Variants in SH3RF1 observed in about 807,000 individuals in gnomAD.
SH3RF1 encodes the protein E3 ubiquitin-protein ligase SH3RF1.
SH3RF1 carries 32 observed loss-of-function variants against 74.0 expected under a neutral mutation model. The observed-to-expected ratio is 0.43, with a 90% CI of 0.33 to 0.58. The LOEUF is 0.58. Ranked by LOEUF, SH3RF1 falls within the 20% of genes least tolerant of loss-of-function variation. SH3RF1 has a pLI of 0.05. For missense variants in SH3RF1, 954 were observed against 1,130.9 expected (o/e 0.84, Z 2.24); for synonymous variants, 396 against 439.6 (o/e 0.90, Z 1.24).
At position 169,268,988 on chromosome 4, in the gene SH3RF1, G is replaced by A. The variant is rs1731400575; in HGVS notation, c.225C>T (p.Gly75=). The A allele has an allele frequency of 1.2e-6, 2 of 1,614,158 alleles. No individual in the cohort carries two copies. Among genetic ancestry groups the A allele is most frequent in the Non-Finnish European group, 1.7e-6 (2 of 1,180,032 alleles). ...CAGGTTTCCAAGGCCTCTGTTTGAT[G>A]CCATCCAGAAGTCTGACCAGCAAGA... ...SNILLVRLLD[G]IKQRPWKPGP... The change falls in exon 2 of 12, where the codon GGC becomes GGT. Residue 75 remains glycine (G), a synonymous_variant. Coordinates refer to ENST00000284637, the MANE Select transcript of SH3RF1 (RefSeq NM_020870.4).
intron 5 of SH3RF1, among the ~76,000 whole-genome samples, chr4:169,132,965 T>C (rs1010486561): frequency 1.3e-5 from 2 of 152,200 alleles, no homozygotes; most frequent in Non-Finnish European, 2.9e-5. Context: ...TTTCAATTTA[T>C]GTATTTGAAA....
rs1019885182 is a variant in SH3RF1 at position 169,131,106 on chromosome 4, A to G, written c.1069-950T>C. On this transcript the variant is annotated intron_variant, in intron 5 of 11. Coordinates refer to ENST00000284637, the MANE Select transcript of SH3RF1 (RefSeq NM_020870.4). ...GAAAGAAAGATTGTCAGGACAAAGA[A>G]AAGCTCAGAGGTTAGTTCCCAGAGG... is the stretch of plus-strand genomic sequence containing the variant. Among the ~76,000 whole-genome samples, 8 of 152,254 alleles carry G rather than the reference A, an allele frequency of 5.3e-5. No homozygotes were observed. In the East Asian group the frequency reaches 5.8e-4, roughly 11 times the overall value.
intron 2 of SH3RF1, among the ~76,000 whole-genome samples, chr4:169,242,305 C>T (rs796381842): frequency 5.3e-4 from 81 of 152,202 alleles, no homozygotes; most frequent in African/African-American, 1.9e-3. Context: ...ACTTATGCAG[C>T]GACCCATGTT....
intron 2 of SH3RF1, among the ~76,000 whole-genome samples, chr4:169,205,305 C>G (rs958659128): frequency 3.3e-5 from 5 of 152,134 alleles, no homozygotes; most frequent in African/African-American, 1.2e-4. Flanking sequence ...TGAATCAGGT[C>G]AAAATTAACA....
At chr4:169,123,057 C>A (rs1252599939) in intron 6 of SH3RF1, among the ~76,000 whole-genome samples, 1 of 152,124 alleles carries the variant, frequency 6.6e-6, no homozygotes, top group Non-Finnish European at 1.5e-5. Flanking sequence ...ACAAAGACTG[C>A]CTGAACCGCT....
intron 2 of SH3RF1, among the ~76,000 whole-genome samples, chr4:169,234,396 G>C (rs1445725584): frequency 1.3e-5 from 2 of 152,184 alleles, no homozygotes; most frequent in South Asian, 2.1e-4. Flanking sequence ...TATGATCTCA[G>C]ACGAAATACC....
intron 2 of SH3RF1, among the ~76,000 whole-genome samples, chr4:169,216,266 T>C (rs1730462464): frequency 6.6e-6 from 1 of 152,178 alleles, no homozygotes; most frequent in Non-Finnish European, 1.5e-5. Context: ...TAAAAGTCTA[T>C]ATTCTGAAAA....
intron 2 of SH3RF1, among the ~76,000 whole-genome samples, chr4:169,219,697 C>T (rs1730530795): frequency 5.3e-5 from 8 of 152,168 alleles, no homozygotes; most frequent in Admixed American, 5.2e-4. Flanking sequence ...ACTCAAAGAA[C>T]TCAAACTCAA....
intron 10 of SH3RF1, among the ~76,000 whole-genome samples, chr4:169,108,102 G>C (rs1253315102): frequency 6.6e-6 from 1 of 152,182 alleles, no homozygotes; most frequent in Non-Finnish European, 1.5e-5. Flanking sequence ...CCTTAAGCGT[G>C]AATGTTCTTT....
chr4:169,215,217 G>A (rs1209504839), intron 2 of SH3RF1, among the ~76,000 whole-genome samples: 2 of 152,074 alleles, frequency 1.3e-5, no homozygotes, highest in African/African-American at 4.8e-5. Flanking sequence ...TGACCATATA[G>A]TTTTTCTTCT....
intron 2 of SH3RF1, among the ~76,000 whole-genome samples, chr4:169,229,774 G>A (rs1428185033): frequency 1.3e-5 from 2 of 152,260 alleles, no homozygotes; most frequent in South Asian, 2.1e-4. Context: ...GAGAGTATAC[G>A]ACGGATGAAA....
intron 2 of SH3RF1, among the ~76,000 whole-genome samples, chr4:169,234,605 T>C (rs954475933): frequency 6.6e-6 from 1 of 152,192 alleles, no homozygotes; most frequent in Non-Finnish European, 1.5e-5. Context: ...TAATAGACTT[T>C]GCTATACCTC....
At chr4:169,180,871 T>C (rs1047792359) in intron 2 of SH3RF1, among the ~76,000 whole-genome samples, 6 of 152,060 alleles carry the variant, frequency 3.9e-5, no homozygotes, top group Non-Finnish European at 8.8e-5. Context: ...AATAAGAAAA[T>C]ATTGTTAAAT....
chr4:169,201,002 A>C (rs1257569993), intron 2 of SH3RF1, among the ~76,000 whole-genome samples: 1 of 152,236 alleles, frequency 6.6e-6, no homozygotes, highest in African/African-American at 2.4e-5. Context: ...TCAGTTAAAT[A>C]AATTTTAAAA....
intron 2 of SH3RF1, among the ~76,000 whole-genome samples, chr4:169,165,544 C>G (rs751265733): frequency 6.6e-6 from 1 of 151,456 alleles, no homozygotes; most frequent in Non-Finnish European, 1.5e-5. Flanking sequence ...AAAAAACTAG[C>G]AAGGTATGGT....
At position 169,122,082 on chromosome 4, in the gene SH3RF1, G is replaced by C. The variant is rs757373400; in HGVS notation, c.1346+18C>G. 5 of 1,610,698 alleles carry C rather than the reference G, an allele frequency of 3.1e-6. No individual in the cohort carries two copies. Among genetic ancestry groups the C allele is most frequent in the Non-Finnish European group, 4.2e-6 (5 of 1,178,776 alleles). On this transcript the variant is annotated intron_variant, in intron 7 of 11. Coordinates refer to ENST00000284637, the MANE Select transcript of SH3RF1 (RefSeq NM_020870.4). Reference sequence around the variant, plus strand: ...TTAAATGAACACATAAGCAGTAACAGACGACACGCTCACTTACACACTGGG... The same window carrying C: ...TTAAATGAACACATAAGCAGTAACACACGACACGCTCACTTACACACTGGG...
chr4:169,172,853 C>T (rs1734355417), intron 2 of SH3RF1, among the ~76,000 whole-genome samples: 1 of 152,112 alleles, frequency 6.6e-6, no homozygotes, highest in Non-Finnish European at 1.5e-5. Flanking sequence ...GAATAGAAAA[C>T]AGTAATAGCA....
chr4:169,158,662 A>G (rs1232862399), intron 2 of SH3RF1, among the ~76,000 whole-genome samples: 1 of 152,230 alleles, frequency 6.6e-6, no homozygotes, highest in Non-Finnish European at 1.5e-5. Context: ...GGCCTCAACT[A>G]GTTGAATATT....
chr4:169,175,303 G>A (rs903852765), intron 2 of SH3RF1, among the ~76,000 whole-genome samples: 2 of 151,986 alleles, frequency 1.3e-5, no homozygotes, highest in Admixed American at 6.6e-5. Context: ...ACCTCAGAAC[G>A]GCTTTCCCTC....
Sources: gnomAD v4.1 joint callset for allele counts (sites outside exome capture counted in the v4.1 genomes callset) on GRCh38, gnomAD v4.1.1 for gene constraint, MANE v1.5 for transcripts, NCBI Gene and HGNC (gene_info 2026-07-23, HGNC 2026-07-21) for gene names.